FAM135A: variants seen among roughly 807,000 people sequenced by gnomAD.
FAM135A encodes the protein family with sequence similarity 135 member A.
Under a neutral mutation model 146.8 loss-of-function variants are expected in FAM135A, and 79 were observed. That is an observed-to-expected ratio of 0.54 (90% confidence interval 0.45 to 0.65). The LOEUF (loss-of-function observed/expected upper bound fraction) is 0.65. Among genes scored for constraint, FAM135A ranks in the 30% least tolerant of loss-of-function variants. The pLI, the probability that FAM135A is intolerant of heterozygous loss-of-function variation, is 0.00. For synonymous variants in FAM135A, 562 were observed against 603.6 expected (o/e 0.93, Z 1.01); for missense variants, 1,623 against 1,758.2 (o/e 0.92, Z 1.38).
At chr6:70,438,347 A>G (rs149086546) in intron 4 of FAM135A, among the ~76,000 whole-genome samples, 1 of 152,364 alleles carries the variant, frequency 6.6e-6, no homozygotes, top group East Asian at 1.9e-4. Flanking sequence ...GTTACCTGCA[A>G]TCCACCTCAG....
At chr6:70,470,394 G>A (rs1448461354) in intron 5 of FAM135A, among the ~76,000 whole-genome samples, 1 of 151,944 alleles carries the variant, frequency 6.6e-6, no homozygotes, top group Non-Finnish European at 1.5e-5. Flanking sequence ...TCACCCTGTT[G>A]CCCAAGCTGG....
At chr6:70,436,037 A>G (rs1445292293) in intron 4 of FAM135A, among the ~76,000 whole-genome samples, 2 of 152,128 alleles carry the variant, frequency 1.3e-5, no homozygotes, top group Admixed American at 6.5e-5. Context: ...TACAAAAATT[A>G]GCCAGGCATG....
intron 5 of FAM135A, among the ~76,000 whole-genome samples, chr6:70,465,357 C>T (rs752582667): frequency 2.0e-5 from 3 of 152,166 alleles, no homozygotes; most frequent in Admixed American, 2.0e-4. Flanking sequence ...CTTTGACCCT[C>T]TTTTATCAGT....
rs780843059 is a variant in FAM135A at position 70,526,036 on chromosome 6, T to G, written c.2952T>G (p.Ile984Met). 6.2e-7 allele frequency: 1 copy of G among 1,612,016 alleles called. No homozygotes were observed. The change falls in exon 15 of 22, where the codon ATT becomes ATG. Residue 984 changes from isoleucine (I) to methionine (M), a missense_variant. Ile to Met is a conservative substitution (Grantham distance 10). This residue lies in a region of FAM135A where 1,061 missense variants were observed against 1,113.8 expected (regional missense o/e 0.95). Transcript: ENST00000418814. The stretch of plus-strand genomic sequence containing the variant: ...CTCCTTGTGTCATTTCAGGTTCCAT[T>G]TCTAGTAATACAGATGTTAGTGAAG... ...LGTPCVISGS[I>M]SSNTDVSEDR...
At chr6:70,444,536 G>T (rs1267351986) in intron 4 of FAM135A, among the ~76,000 whole-genome samples, 1 of 152,158 alleles carries the variant, frequency 6.6e-6, no homozygotes, top group Non-Finnish European at 1.5e-5. Context: ...CTGTACTTCA[G>T]CCTGGGTGAC....
chr6:70,485,321 CG>C (rs1284117279), intron 10 of FAM135A, among the ~76,000 whole-genome samples: 2 of 151,998 alleles, frequency 1.3e-5, no homozygotes, highest in Non-Finnish European at 2.9e-5. Context: ...TTAAACTTTA[CG>C]GTTTTTATTT....
At chr6:70,462,895 G>T (rs945808623) in intron 5 of FAM135A, among the ~76,000 whole-genome samples, 8 of 152,154 alleles carry the variant, frequency 5.3e-5, no homozygotes, top group South Asian at 2.1e-4. Flanking sequence ...TTGGAATAAA[G>T]CTTCAAATAT....
chr6:70,530,354 G>GA (rs1795571572), intron 16 of FAM135A, among the ~76,000 whole-genome samples: 1 of 152,058 alleles, frequency 6.6e-6, no homozygotes, highest in African/African-American at 2.4e-5. Context: ...CGAGCCTATA[G>GA]AAAACTTATA....
intron 2 of FAM135A, among the ~76,000 whole-genome samples, chr6:70,426,109 C>CAAAAAAA (rs543932611): frequency 1.0e-5 from 1 of 95,870 alleles, no homozygotes; most frequent in African/African-American, 3.9e-5. Flanking sequence ...GACTCCGTCT[C>CAAAAAAA]AAAAAAAAAA....
In FAM135A at chr6:70,538,389, A is replaced by T; in HGVS notation, c.4216A>T (p.Ser1406Cys). 6.7e-7 allele frequency: 1 copy of T among 1,487,438 alleles called. No individual in the cohort carries two copies. The highest frequency in any genetic ancestry group is 9.0e-7 in the Non-Finnish European group (1 of 1,109,338). The allele number at this position is 1,487,438 out of a possible 1,614,324, so 92.1% of individuals were successfully genotyped here. A position where few individuals can be genotyped will look rare whatever the true frequency, so the allele number is the denominator to read the frequency against. ...TCGCCAAACTTTTTTATATAAGCTTAGTAACAAAGCAGGTAAGTATATAAT... is the reference window on the plus strand; with the variant it reads ...TCGCCAAACTTTTTTATATAAGCTTTGTAACAAAGCAGGTAAGTATATAAT... ...DPRQTFLYKL[S>C]NKAGLHYFKN... The change falls in exon 20 of 22, where the codon AGT (serine) becomes TGT (cysteine). Residue 1406 changes from serine (S) to cysteine (C), a missense_variant. By Grantham distance (112) the Ser-to-Cys change is moderately radical (BLOSUM62 -1). Transcript: ENST00000418814.
chr6:70,461,126 A>T (rs954330406), intron 5 of FAM135A, among the ~76,000 whole-genome samples: 1 of 152,134 alleles, frequency 6.6e-6, no homozygotes, highest in African/African-American at 2.4e-5. Context: ...CCAAGCCTAT[A>T]GATAGATAAA....
intron 16 of FAM135A, among the ~76,000 whole-genome samples, chr6:70,532,661 G>A (rs538471621): frequency 2.6e-5 from 4 of 152,304 alleles, no homozygotes; most frequent in Admixed American, 6.5e-5. Flanking sequence ...GGCCAGGCAC[G>A]GTGGCTCACG....
intron 4 of FAM135A, among the ~76,000 whole-genome samples, chr6:70,443,465 T>G (rs1775016090): frequency 6.6e-6 from 1 of 152,238 alleles, no homozygotes; most frequent in South Asian, 2.1e-4. Flanking sequence ...TGTGGTATAG[T>G]CTACGTGTGT....
At chr6:70,439,874 C>T (rs72917941) in intron 4 of FAM135A, among the ~76,000 whole-genome samples, 18,785 of 152,180 alleles carry the variant, frequency 0.12, 1,601 homozygotes, top group Middle Eastern at 0.29. Flanking sequence ...TTTTTTCTTC[C>T]TATTTCACCT....
chr6:70,526,428 A>G lies in FAM135A; in HGVS notation c.3344A>G (p.His1115Arg), dbSNP rs1215823604. 10 of 1,613,694 alleles carry G rather than the reference A, an allele frequency of 6.2e-6. No homozygotes were observed. In the Admixed American group the frequency reaches 6.7e-5, roughly 11 times the overall value. ...GCTTTGGATGGAACAATAAATGCTC[A>G]CTATACAAGCAGAGATGAACTAATG... Reference protein sequence around the residue: ...YSALDGTINAHYTSRDELMEE... With the variant: ...YSALDGTINARYTSRDELMEE... Residue 1115 changes from histidine to arginine, a missense_variant, in exon 15 of 22, where the codon CAC becomes CGC. His to Arg is a conservative substitution (Grantham distance 29, BLOSUM62 0). Around this residue, in one of 7 missense-constraint regions of FAM135A, gnomAD observed 1,061 missense variants for 1,113.8 expected, o/e 0.95. Transcript: ENST00000418814.
At chr6:70,446,118 C>G (rs1351431830) in intron 4 of FAM135A, among the ~76,000 whole-genome samples, 1 of 152,212 alleles carries the variant, frequency 6.6e-6, no homozygotes, top group Non-Finnish European at 1.5e-5. Flanking sequence ...TCAGGTGTAC[C>G]TGGGATGCTT....
At chr6:70,416,644 G>A (rs967755794) in intron 2 of FAM135A, among the ~76,000 whole-genome samples, 1 of 152,134 alleles carries the variant, frequency 6.6e-6, no homozygotes, top group African/African-American at 2.4e-5. Flanking sequence ...CTAGGAATAA[G>A]GTGGGGTGTG....
At chr6:70,513,836 A>G (rs1169380448) in intron 12 of FAM135A, among the ~76,000 whole-genome samples, 2 of 152,040 alleles carry the variant, frequency 1.3e-5, no homozygotes, top group Non-Finnish European at 2.9e-5. Flanking sequence ...AAAAAGTACC[A>G]TTATCTTCTG....
In FAM135A at chr6:70,440,626, T is replaced by G. The variant is rs1309728360; in HGVS notation, c.78-11866T>G. 3.3e-5 allele frequency among the ~76,000 whole-genome samples: 5 copies of G among 152,190 alleles called. No homozygotes were observed. The South Asian group carries it at 8.3e-4, about 25-fold the overall frequency. On this transcript the variant is annotated intron_variant, in intron 4 of 21. Coordinates refer to ENST00000418814, the MANE Select transcript of FAM135A (RefSeq NM_001162529.3). ...TTGCTTGAACCTGGGAGGCAGAGGTTGCAGTGAGCTGAGATTGCACCATTG... is the reference window on the plus strand; with the variant it reads ...TTGCTTGAACCTGGGAGGCAGAGGTGGCAGTGAGCTGAGATTGCACCATTG...
Sources: allele counts gnomAD v4.1 joint callset (sites outside exome capture counted in the v4.1 genomes callset), GRCh38; gene constraint gnomAD v4.1.1; regional missense constraint gnomAD v4.1.1; transcripts MANE v1.5; gene names NCBI Gene and HGNC (gene_info 2026-07-23, HGNC 2026-07-21).